Variants in B4GALNT2 observed in about 807,000 individuals in gnomAD.
B4GALNT2 encodes beta-1,4-N-acetyl-galactosaminyltransferase 2 (SID blood group), also known as N-acetylneuraminylgalactosylglucosyl-glucoside beta-1,4-N- acetylgalactosaminyltransferase 2.
Under a neutral mutation model 51.1 loss-of-function variants are expected in B4GALNT2, and 42 were observed. That is an observed-to-expected ratio of 0.82 (90% CI 0.64 to 1.06). The LOEUF (loss-of-function observed/expected upper bound fraction) is 1.06, where lower values mean the gene tolerates loss of function less well. Among genes scored for constraint, B4GALNT2 ranks in the 50% least tolerant of loss-of-function variants. The pLI, the probability that B4GALNT2 is intolerant of heterozygous loss-of-function variation, is 0.00. For missense variants in B4GALNT2, 602 were observed against 633.6 expected (o/e 0.95, Z 0.54); for synonymous variants, 253 against 251.7 (o/e 1.01, Z -0.05).
chr17:49,124,750 A>G, the B4GALNT2 span, among the ~76,000 whole-genome samples: 1 of 152,210 alleles, frequency 6.6e-6, no homozygotes. Context: ...GTTTGACCAT[A>G]AAGTAAAGAT....
At chr17:49,139,362 C>T (rs2144276707) in intron 1 of B4GALNT2, among the ~76,000 whole-genome samples, 1 of 152,302 alleles carries the variant, frequency 6.6e-6, no homozygotes, top group Non-Finnish European at 1.5e-5. Flanking sequence ...CCTCAGCCTC[C>T]CAAGTAGCTG....
At chr17:49,142,221 C>A (rs779554542) in intron 3 of B4GALNT2, 49 bp downstream of exon 3, 10 of 1,609,040 alleles carry the variant, frequency 6.2e-6, no homozygotes, top group Non-Finnish European at 8.5e-6. Context: ...AACAAAAGCC[C>A]TCCCTATGTC....
chr17:49,128,065 G>T (rs1347397558), upstream of B4GALNT2, among the ~76,000 whole-genome samples: 1 of 152,234 alleles, frequency 6.6e-6, no homozygotes, highest in African/African-American at 2.4e-5. Context: ...TTTATCAGGG[G>T]TGAGGGTGAA....
the B4GALNT2 span, among the ~76,000 whole-genome samples, chr17:49,124,610 C>A: frequency 6.6e-6 from 1 of 152,068 alleles, no homozygotes; most frequent in Admixed American, 6.6e-5. Flanking sequence ...CCAAAGAAAG[C>A]CAAACACCAT....
upstream of B4GALNT2, among the ~76,000 whole-genome samples, chr17:49,130,601 G>A (rs2091039): frequency 0.53 from 80,385 of 151,998 alleles, 21,550 homozygotes; most frequent in Middle Eastern, 0.63. Context: ...TCACACCACT[G>A]CACTCCAGCT....
At chr17:49,140,316 G>A (rs1285314591) in intron 1 of B4GALNT2, among the ~76,000 whole-genome samples, 2 of 151,966 alleles carry the variant, frequency 1.3e-5, no homozygotes, top group African/African-American at 4.8e-5. Flanking sequence ...TAGCCAGGAT[G>A]GTCTCGATCT....
intron 3 of B4GALNT2, among the ~76,000 whole-genome samples, chr17:49,147,374 C>CTTTTTTTTT (rs1475311406): frequency 9.7e-5 from 14 of 143,894 alleles, no homozygotes; most frequent in African/African-American, 3.6e-4. Context: ...TCTTTTCTTT[C>CTTTTTTTTT]TTTCTTTTTT....
chr17:49,166,241 C>A lies in B4GALNT2; in HGVS notation c.1082C>A (p.Thr361Lys). The change falls in exon 9 of 11, where the codon ACA becomes AAA. Residue 361 changes from threonine (T) to lysine (K), a missense_variant. Thr to Lys is a moderately conservative substitution (Grantham distance 78). Transcript: ENST00000393354. ...GTGCTGGTGGATGTCCTGGAGAAAA[C>A]AGAACTGGACGTGGTAAGGGACAGT... is the stretch of plus-strand genomic sequence containing the variant. ...IEVLVDVLEK[T>K]ELDVVGGSVL... The A allele has an allele frequency of 6.2e-7, 1 of 1,613,538 alleles. No homozygotes were observed.
chr17:49,169,469 G>A, intron 10 of B4GALNT2, 54 bp from the exon 11 acceptor site: 4 of 1,538,968 alleles, frequency 2.6e-6, no homozygotes, highest in Non-Finnish European at 2.7e-6. Flanking sequence ...CTAGAATAGT[G>A]CCCACTTTTC....
chr17:49,169,931 A>T lies in B4GALNT2; in HGVS notation c.*203A>T, dbSNP rs903068272. On this transcript the variant is annotated 3_prime_UTR_variant, in exon 11 of 11. Coordinates refer to ENST00000393354, the MANE Select transcript of B4GALNT2 (RefSeq NM_001159387.2). Reference sequence around the variant, plus strand: ...CCAGTCACTGACCAGGGCAATGGAGACTGTATTAATAGCAATGATGATTTG... The same window carrying T: ...CCAGTCACTGACCAGGGCAATGGAGTCTGTATTAATAGCAATGATGATTTG... 6 of 515,070 alleles carry T rather than the reference A, an allele frequency of 1.2e-5. No homozygotes were observed. The highest frequency in any genetic ancestry group is 7.7e-5 in the African/African-American group (4 of 51,786). 31.9% of individuals were successfully genotyped at this position (515,070 alleles called of 1,614,324 possible). A position where few individuals can be genotyped will look rare whatever the true frequency, so the allele number is the denominator to read the frequency against.
At chr17:49,167,791 G>A (rs542129608) in intron 9 of B4GALNT2, among the ~76,000 whole-genome samples, 2 of 151,992 alleles carry the variant, frequency 1.3e-5, no homozygotes, top group East Asian at 1.9e-4. Context: ...TGTATTTTTA[G>A]TAGAGACAGG....
At position 49,171,238 on chromosome 17, in the gene B4GALNT2, A is replaced by G. The variant is rs746021341; in HGVS notation, c.*1510A>G. On this transcript the variant is annotated 3_prime_UTR_variant, in exon 11 of 11. Transcript: ENST00000393354. ...AATTCTCACAGGAGTCAGGATCCGC[A>G]CCTGCAGACTATACAAAGACAAACA... The G allele has an allele frequency of 1.5e-4, 36 of 238,698 alleles. No homozygotes were observed. Among genetic ancestry groups the G allele is most frequent in the Non-Finnish European group, 2.6e-4 (31 of 121,466 alleles). 14.8% of individuals were successfully genotyped at this position (238,698 alleles called of 1,614,324 possible). A position where few individuals can be genotyped will look rare whatever the true frequency, so the allele number is the denominator to read the frequency against.
chr17:49,134,366 G>C (rs1344447631), intron 1 of B4GALNT2, among the ~76,000 whole-genome samples: 1 of 152,196 alleles, frequency 6.6e-6, no homozygotes, highest in Non-Finnish European at 1.5e-5. Flanking sequence ...TGTGTTGGGA[G>C]CAAACATTCA....
intron 1 of B4GALNT2, among the ~76,000 whole-genome samples, chr17:49,134,992 C>A (rs1291162242): frequency 1.3e-5 from 2 of 152,202 alleles, no homozygotes; most frequent in Non-Finnish European, 2.9e-5. Flanking sequence ...TGCCCTTGGA[C>A]TTCCTAGTGT....
At chr17:49,158,882 G>T (rs1212672083) in intron 5 of B4GALNT2, among the ~76,000 whole-genome samples, 155 bp from the exon 6 acceptor site, 3 of 152,180 alleles carry the variant, frequency 2.0e-5, no homozygotes, top group Non-Finnish European at 2.9e-5. Context: ...GTGACTCCCT[G>T]CAGAGCCAGC....
intron 5 of B4GALNT2, among the ~76,000 whole-genome samples, chr17:49,158,363 C>G (rs1159727691): frequency 6.6e-6 from 1 of 152,040 alleles, no homozygotes; most frequent in Non-Finnish European, 1.5e-5. Context: ...GGTTTTAAAC[C>G]ATGGAAACAG....
chr17:49,170,922 G>A lies in B4GALNT2; in HGVS notation c.*1194G>A, dbSNP rs752056261. The stretch of plus-strand genomic sequence containing the variant: ...GGCTCTGGCTAGTTATCTGCAGCAG[G>A]AACATGTCCTTAAAGCACAGATAGC... On this transcript the variant is annotated 3_prime_UTR_variant, in exon 11 of 11. Coordinates refer to ENST00000393354, the MANE Select transcript of B4GALNT2 (RefSeq NM_001159387.2). 6.5e-6 allele frequency: 1 copy of A among 152,960 alleles called. No homozygotes were observed. Among genetic ancestry groups the A allele is most frequent in the Non-Finnish European group, 1.5e-5 (1 of 68,600 alleles). 9.5% of individuals were successfully genotyped at this position (152,960 alleles called of 1,614,324 possible). A position where few individuals can be genotyped will look rare whatever the true frequency, so the allele number is the denominator to read the frequency against.
intron 3 of B4GALNT2, chr17:49,148,469 T>A: frequency 3.4e-6 from 1 of 293,826 alleles, no homozygotes. Context: ...GTCTTGCAGG[T>A]GGCTCACCCT....
In B4GALNT2 at chr17:49,169,993, C is replaced by A; in HGVS notation, c.*265C>A. 1 of 350,110 alleles carries A rather than the reference C, an allele frequency of 2.9e-6. No homozygotes were observed. The highest frequency in any genetic ancestry group is 4.5e-5 in the East Asian group (1 of 22,458). 21.7% of individuals were successfully genotyped at this position (350,110 alleles called of 1,614,324 possible). A position where few individuals can be genotyped will look rare whatever the true frequency, so the allele number is the denominator to read the frequency against. On this transcript the variant is annotated 3_prime_UTR_variant, in exon 11 of 11. Coordinates refer to ENST00000393354, the MANE Select transcript of B4GALNT2 (RefSeq NM_001159387.2). The stretch of plus-strand genomic sequence containing the variant: ...GCCTTTTTTGAAGCATTTGCATGGG[C>A]AGTATCTCACATCATCTCATCTGAT...
Sources: gnomAD v4.1 joint callset for allele counts (sites outside exome capture counted in the v4.1 genomes callset) on GRCh38, gnomAD v4.1.1 for gene constraint, MANE v1.5 for transcripts, NCBI Gene and HGNC (gene_info 2026-07-23, HGNC 2026-07-21) for gene names.